The following LRRC61 variants were observed in gnomAD, a reference collection of about 807,000 sequenced individuals.
LRRC61 encodes the protein leucine-rich repeat-containing protein 61.
LRRC61 carries 9 observed loss-of-function variants against 15.1 expected under a neutral mutation model. The ratio of observed to expected loss-of-function variants is 0.60; its 90% CI spans 0.36 to 1.04. The LOEUF (loss-of-function observed/expected upper bound fraction) is 1.04, where lower values mean the gene tolerates loss of function less well. Among genes scored for constraint, LRRC61 ranks in the 50% least tolerant of loss-of-function variants. The pLI, the probability that LRRC61 is intolerant of heterozygous loss-of-function variation, is 0.01. For synonymous variants in LRRC61, 173 were observed against 158.6 expected, an observed-to-expected ratio of 1.09 and a Z score of -0.68; for missense variants, 344 against 335.6, an observed-to-expected ratio of 1.03 and a Z score of -0.20.
At position 150,330,562 on chromosome 7, in the gene LRRC61, C is replaced by T. The variant is rs1201809260; in HGVS notation, c.-145+4552C>T. The T allele has an allele frequency of 1.3e-6, 1 of 779,896 alleles. No individual in the cohort carries two copies. The allele number at this position is 779,896 out of a possible 1,614,324, so 48.3% of individuals were successfully genotyped here. ...GCCATCCAGCTGGCTGAGGGGTTGG[C>T]CCGGCAGCTCTGCACCGACTGTCAG... On this transcript the variant is annotated intron_variant, in intron 2 of 2. Transcript: ENST00000359623. The surrounding 1 kb of genome is among the most constrained non-coding windows in gnomAD (Gnocchi z 4.6).
chr7:150,311,918 T>C, the LRRC61 span, among the ~76,000 whole-genome samples: 2 of 152,194 alleles, frequency 1.3e-5, no homozygotes, highest in Non-Finnish European at 2.9e-5. Flanking sequence ...ACAGCCTCCA[T>C]AACCATGCTG....
At chr7:150,323,682 C>T (rs1006592984) in intron 1 of LRRC61, 122 bp downstream of exon 1, 4 of 456,240 alleles carry the variant, frequency 8.8e-6, no homozygotes, top group African/African-American at 6.0e-5. Flanking sequence ...TGGGAGAGGC[C>T]AGAATCTTCC....
At position 150,337,123 on chromosome 7, in the gene LRRC61, A is replaced by C. The variant is rs746231702; in HGVS notation, c.262A>C (p.Thr88Pro). ...AVLNVSNNRLTGLEPLATCEN... is the reference protein window; with the variant it reads ...AVLNVSNNRLPGLEPLATCEN... ...GCTCAATGTCTCCAACAATCGGCTG[A>C]CGGGCCTGGAGCCACTGGCCACCTG... The change falls in exon 3 of 3, where the codon ACG becomes CCG. Residue 88 changes from threonine to proline, a missense_variant. Thr to Pro is a conservative substitution (Grantham distance 38). Transcript: ENST00000359623. The C allele has an allele frequency of 1.1e-5, 18 of 1,611,844 alleles. No homozygotes were observed. Among genetic ancestry groups the C allele is most frequent in the Non-Finnish European group, 1.5e-5 (18 of 1,179,864 alleles).
the LRRC61 span, among the ~76,000 whole-genome samples, chr7:150,316,387 G>C: frequency 6.6e-6 from 1 of 151,886 alleles, no homozygotes; most frequent in African/African-American, 2.4e-5. Flanking sequence ...TATGTGTCAG[G>C]GCTTGTTCCT....
upstream of LRRC61, among the ~76,000 whole-genome samples, chr7:150,319,849 G>A (rs1490156206): frequency 6.6e-6 from 1 of 152,092 alleles, no homozygotes; most frequent in Non-Finnish European, 1.5e-5. Flanking sequence ...GAAGCTCTAG[G>A]GGCAGGAGCC....
Position 150,337,815 on chromosome 7 carries a change from A to G in LRRC61, c.*174A>G, listed in dbSNP as rs1172718645. 8.5e-6 allele frequency: 6 copies of G among 707,926 alleles called. No homozygotes were observed. The African/African-American group carries it at 1.1e-4, about 13-fold the overall frequency. The allele number at this position is 707,926 out of a possible 1,614,324, so 43.9% of individuals were successfully genotyped here. A position where few individuals can be genotyped will look rare whatever the true frequency, so the allele number is the denominator to read the frequency against. ...TCCCCACCATCCCTCCACATGCTGCAAGGACAGACTGAAGGGCTGTGAGCA... is the reference window on the plus strand; with the variant it reads ...TCCCCACCATCCCTCCACATGCTGCGAGGACAGACTGAAGGGCTGTGAGCA... On this transcript the variant is annotated 3_prime_UTR_variant, in exon 3 of 3. Transcript: ENST00000359623.
At chr7:150,332,710 G>A (rs1182011208) in intron 2 of LRRC61, 1 of 167,004 alleles carries the variant, frequency 6.0e-6, no homozygotes, top group African/African-American at 2.4e-5. Context: ...ATAAAGTTTT[G>A]TAAACATTTA....
intron 2 of LRRC61, chr7:150,331,527 C>T (rs1465613567): frequency 5.4e-6 from 1 of 185,562 alleles, no homozygotes; most frequent in Non-Finnish European, 1.2e-5. Context: ...CTCCCGATTA[C>T]TTCCTTTACG....
chr7:150,336,094 T>A (rs995914756), intron 2 of LRRC61, among the ~76,000 whole-genome samples: 13 of 152,352 alleles, frequency 8.5e-5, no homozygotes, highest in Admixed American at 2.6e-4. Flanking sequence ...CAGCCTTCCC[T>A]GTCCCTTCAC....
the LRRC61 span, among the ~76,000 whole-genome samples, chr7:150,315,824 A>G: frequency 7.0e-6 from 1 of 143,524 alleles, no homozygotes; most frequent in Non-Finnish European, 1.5e-5. Context: ...CACTCCCAAC[A>G]CTATACTTTT....
chr7:150,323,632 C>T (rs1005820761), intron 1 of LRRC61, 72 bp downstream of exon 1: 3 of 454,966 alleles, frequency 6.6e-6, no homozygotes, highest in Non-Finnish European at 1.3e-5. Flanking sequence ...CCCCGGGGGG[C>T]CACCTGCTGG....
rs368574513 is a variant in LRRC61, at chr7:150,337,085, G to A, written c.224G>A (p.Arg75His). The A allele has an allele frequency of 4.7e-5, 76 of 1,612,578 alleles. No homozygotes were observed. The Middle Eastern group carries it at 4.9e-4, about 10-fold the overall frequency. Residue 75 changes from arginine (R) to histidine (H), a missense_variant, in exon 3 of 3, where the codon CGC (arginine) becomes CAC (histidine). Physicochemically the swap from Arg to His is conservative, Grantham distance 29. Transcript: ENST00000359623. ...CACCTGGGCCCGCTGGCCTCCTTGCGCCAGCTAGCTGTGCTCAATGTCTCC... is the reference window on the plus strand; with the variant it reads ...CACCTGGGCCCGCTGGCCTCCTTGCACCAGCTAGCTGTGCTCAATGTCTCC... ...LTHLGPLASL[R>H]QLAVLNVSNN...
chr7:150,322,576 G>A (rs1274814589), upstream of LRRC61: 1 of 152,234 alleles, frequency 6.6e-6, no homozygotes, highest in Admixed American at 6.5e-5. Context: ...CCTCAGTTCC[G>A]GGAACTGCCC....
chr7:150,334,606 CCAGCCT>C (rs1798227895), intron 2 of LRRC61, among the ~76,000 whole-genome samples: 1 of 152,230 alleles, frequency 6.6e-6, no homozygotes, highest in African/African-American at 2.4e-5. Flanking sequence ...CTGGATCCCT[CCAGCCT>C]GGAGCTCCAG....
At chr7:150,315,333 G>A in the LRRC61 span, among the ~76,000 whole-genome samples, 1 of 152,092 alleles carries the variant, frequency 6.6e-6, no homozygotes, top group African/African-American at 2.4e-5. Flanking sequence ...GCAAGCTACA[G>A]CTGGGGAGGA....
chr7:150,337,932 C>T lies in LRRC61; in HGVS notation c.*291C>T, dbSNP rs897561214. On this transcript the variant is annotated 3_prime_UTR_variant, in exon 3 of 3. Transcript: ENST00000359623. ...TGCAACTTAGTGGAAGGAATTACTT[C>T]CTCCTGAGGCTACAGGCGAGAAAGG... The T allele has an allele frequency of 1.0e-5, 5 of 501,088 alleles. No homozygotes were observed. The highest frequency in any genetic ancestry group is 1.8e-5 in the Non-Finnish European group (5 of 273,884). 31.0% of individuals were successfully genotyped at this position (501,088 alleles called of 1,614,324 possible).
chr7:150,314,018 A>G, the LRRC61 span, among the ~76,000 whole-genome samples: 5 of 152,364 alleles, frequency 3.3e-5, no homozygotes, highest in South Asian at 2.1e-4. Context: ...TGGCAAGCAC[A>G]GTACTGGACC....
the LRRC61 span, among the ~76,000 whole-genome samples, chr7:150,313,669 TG>T: frequency 2.0e-4 from 31 of 152,156 alleles, no homozygotes; most frequent in Non-Finnish European, 4.1e-4. Context: ...TGCAATGCCC[TG>T]GCCAAGAGGA....
upstream of LRRC61, among the ~76,000 whole-genome samples, chr7:150,320,376 T>C (rs1797378491): frequency 1.3e-5 from 2 of 152,240 alleles, no homozygotes; most frequent in South Asian, 4.1e-4. Flanking sequence ...TGTGACAGAC[T>C]ATCTGTATTG....
Sources: gnomAD v4.1 joint callset for allele counts (sites outside exome capture counted in the v4.1 genomes callset) on GRCh38, gnomAD v4.1.1 for gene constraint, Gnocchi (gnomAD v3.1) non-coding constraint, MANE v1.5 for transcripts, NCBI Gene and HGNC (gene_info 2026-07-23, HGNC 2026-07-21) for gene names.